ADK: variants seen among roughly 807,000 people sequenced by gnomAD.
ADK encodes the protein adenosine kinase.
A neutral mutation model predicts 44.7 loss-of-function variants in ADK; 24 were observed. The observed-to-expected ratio is 0.54, with a 90% CI of 0.39 to 0.76. The LOEUF is 0.76. Among genes scored for constraint, ADK ranks in the 30% least tolerant of loss-of-function variants. ADK has a pLI of 0.00. For missense variants in ADK, 321 were observed against 425.1 expected, an observed-to-expected ratio of 0.76 and a Z score of 2.15; for synonymous variants, 128 against 142.6, an observed-to-expected ratio of 0.90 and a Z score of 0.73.
At chr10:74,214,776 T>G (rs1258261738) in intron 2 of ADK, among the ~76,000 whole-genome samples, 3 of 152,216 alleles carry the variant, frequency 2.0e-5, no homozygotes, top group African/African-American at 7.2e-5. Flanking sequence ...ATTCTTCATT[T>G]TATAGGGGTA....
intron 7 of ADK, among the ~76,000 whole-genome samples, chr10:74,588,664 G>A (rs1589275457): frequency 6.6e-6 from 1 of 152,182 alleles, no homozygotes; most frequent in South Asian, 2.1e-4. Flanking sequence ...TATTAGTGAT[G>A]ATAAGTGATA....
At chr10:74,567,319 C>T (rs1850704845) in intron 7 of ADK, among the ~76,000 whole-genome samples, 1 of 152,190 alleles carries the variant, frequency 6.6e-6, no homozygotes, top group South Asian at 2.1e-4. Flanking sequence ...TTCCCTTTAA[C>T]ATTGAGTCTG....
intron 1 of ADK, among the ~76,000 whole-genome samples, chr10:74,172,938 C>A (rs1011764774): frequency 9.4e-5 from 14 of 149,226 alleles, no homozygotes; most frequent in African/African-American, 3.2e-4. Context: ...ATGCAAATAT[C>A]AAAAATGAGT....
chr10:74,300,259 TTTCCTTCC>T (rs1158122190), intron 3 of ADK, among the ~76,000 whole-genome samples: 1,389 of 60,658 alleles, frequency 0.023, 21 homozygotes, highest in Middle Eastern at 0.068. Flanking sequence ...TCTCTCCTTG[TTTCCTTCC>T]TTCCTTCCTT....
intron 3 of ADK, among the ~76,000 whole-genome samples, chr10:74,253,382 G>A (rs1307141194): frequency 2.6e-5 from 4 of 152,144 alleles, no homozygotes; most frequent in Non-Finnish European, 5.9e-5. Context: ...GAAAGTGGTG[G>A]TAACTCCTGG....
At chr10:74,457,305 C>T (rs574061318) in intron 6 of ADK, among the ~76,000 whole-genome samples, 2 of 152,200 alleles carry the variant, frequency 1.3e-5, no homozygotes, top group East Asian at 3.9e-4. Flanking sequence ...CTGAATAGAC[C>T]AATAACAAGT....
chr10:74,346,847 C>G (rs1841783106), intron 4 of ADK, among the ~76,000 whole-genome samples: 1 of 151,974 alleles, frequency 6.6e-6, no homozygotes, highest in African/African-American at 2.4e-5. Context: ...GATGGCTGAG[C>G]CTGTAATTCC....
At chr10:74,671,452 G>GC (rs1855182004) in intron 10 of ADK, among the ~76,000 whole-genome samples, 1 of 152,154 alleles carries the variant, frequency 6.6e-6, no homozygotes, top group Non-Finnish European at 1.5e-5. Flanking sequence ...CCATTAGGAT[G>GC]CCCCATGCCC....
intron 9 of ADK, among the ~76,000 whole-genome samples, chr10:74,606,430 T>C (rs968279242): frequency 2.0e-5 from 3 of 151,058 alleles, no homozygotes; most frequent in Non-Finnish European, 3.0e-5. Context: ...CAGAGATTCG[T>C]TGGGTCTCTG....
chr10:74,680,880 T>A (rs1589364927), intron 10 of ADK, among the ~76,000 whole-genome samples: 3 of 152,350 alleles, frequency 2.0e-5, no homozygotes, highest in Admixed American at 2.0e-4. Flanking sequence ...CCAATTAACG[T>A]TGACATTTTA....
rs866363970 is a variant in ADK at position 74,195,588 on chromosome 10, A to G, written c.66-5176A>G. Among the ~76,000 whole-genome samples the G allele has an allele frequency of 3.3e-5, 5 of 151,946 alleles. No individual in the cohort carries two copies. In the Middle Eastern group the frequency reaches 0.014, roughly 413 times the overall value. On this transcript the variant is annotated intron_variant, in intron 1 of 10. Transcript: ENST00000539909. ...AACCTCGACCTTCCAGGCTTAAGCG[A>G]TCCTCCCACCTCAGCCTCCCTGGTA...
intron 3 of ADK, among the ~76,000 whole-genome samples, chr10:74,259,540 T>C (rs1482955589): frequency 7.0e-6 from 1 of 143,736 alleles, no homozygotes; most frequent in African/African-American, 2.6e-5. Context: ...CACCGCAAGC[T>C]CCACCTCCTG....
At position 74,698,713 on chromosome 10, in the gene ADK, C is replaced by T. The variant is rs369128818; in HGVS notation, c.965-9608C>T. 1.9e-3 allele frequency among the ~76,000 whole-genome samples: 289 copies of T among 152,172 alleles called. 1 individual carries two copies. Among genetic ancestry groups the T allele is most frequent in the Non-Finnish European group, 3.5e-3 (237 of 68,008 alleles). ...CTGAGACTACATGTATGTACCACCA[C>T]GCCTGGCTAAATTTTTGAATTTTTT... On this transcript the variant is annotated intron_variant, in intron 10 of 10. Transcript: ENST00000539909.
intron 3 of ADK, among the ~76,000 whole-genome samples, chr10:74,251,894 CTTTT>C (rs566363104): frequency 3.0e-5 from 3 of 99,386 alleles, no homozygotes; most frequent in Middle Eastern, 8.3e-3. Flanking sequence ...GTGGCAGATA[CTTTT>C]TTTTTTTTTT....
intron 9 of ADK, among the ~76,000 whole-genome samples, chr10:74,634,450 C>A (rs1219060526): frequency 6.6e-6 from 1 of 152,110 alleles, no homozygotes; most frequent in East Asian, 1.9e-4. Context: ...GATCTCCTGA[C>A]CTCGGGATCC....
intron 6 of ADK, among the ~76,000 whole-genome samples, chr10:74,463,233 T>G (rs983024412): frequency 6.6e-6 from 1 of 152,120 alleles, no homozygotes; most frequent in African/African-American, 2.4e-5. Flanking sequence ...GGTTTCAGGA[T>G]TATTCAAGTG....
At chr10:74,459,098 G>A (rs1846064253) in intron 6 of ADK, among the ~76,000 whole-genome samples, 1 of 151,916 alleles carries the variant, frequency 6.6e-6, no homozygotes, top group Non-Finnish European at 1.5e-5. Context: ...GGCCAACATG[G>A]CAAAACCCCG....
intron 4 of ADK, among the ~76,000 whole-genome samples, chr10:74,379,884 T>C (rs1398901854): frequency 6.6e-6 from 1 of 151,982 alleles, no homozygotes; most frequent in African/African-American, 2.4e-5. Context: ...ATTAGCTGGG[T>C]TTGATGGCTT....
chr10:74,274,061 T>C (rs1846557005), intron 3 of ADK, among the ~76,000 whole-genome samples: 1 of 152,112 alleles, frequency 6.6e-6, no homozygotes. Flanking sequence ...TAAATACACT[T>C]GGCCATTGAA....
Sources: gnomAD v4.1 joint callset for allele counts (sites outside exome capture counted in the v4.1 genomes callset) on GRCh38, gnomAD v4.1.1 for gene constraint, MANE v1.5 for transcripts, NCBI Gene and HGNC (gene_info 2026-07-23, HGNC 2026-07-21) for gene names.